The following RIMS2 variants were observed in gnomAD, a reference collection of about 807,000 sequenced individuals.
The protein encoded by RIMS2 is regulating synaptic membrane exocytosis protein 2.
RIMS2 carries 59 observed loss-of-function variants against 174.4 expected under a neutral mutation model. That is an observed-to-expected ratio of 0.34 (90% CI 0.27 to 0.42). RIMS2 has a LOEUF of 0.42. Ranked by LOEUF, RIMS2 falls within the 10% of genes least tolerant of loss-of-function variation. The pLI, the probability that RIMS2 is intolerant of heterozygous loss-of-function variation, is 1.00. For missense variants in RIMS2, 1,620 were observed against 1,666.3 expected (o/e 0.97, Z 0.48); for synonymous variants, 606 against 572.5 (o/e 1.06, Z -0.84).
At chr8:104,087,476 TC>T (rs1490860945) in intron 19 of RIMS2, among the ~76,000 whole-genome samples, 1 of 152,066 alleles carries the variant, frequency 6.6e-6, no homozygotes, top group Non-Finnish European at 1.5e-5. Flanking sequence ...TGAGGAACAT[TC>T]GAAGCAGTGC....
intron 1 of RIMS2, among the ~76,000 whole-genome samples, chr8:103,604,071 C>T (rs2094910325): frequency 6.7e-6 from 1 of 149,368 alleles, no homozygotes; most frequent in African/African-American, 2.5e-5. Flanking sequence ...GAAGTCCTTG[C>T]CCATGCCTAT....
chr8:103,522,172 T>C (rs1832019227), intron 1 of RIMS2, among the ~76,000 whole-genome samples: 1 of 152,144 alleles, frequency 6.6e-6, no homozygotes, highest in Non-Finnish European at 1.5e-5. Flanking sequence ...CAATTGAATT[T>C]TGTTGGTCTT....
rs2097280989 is a variant in RIMS2 at position 103,709,718 on chromosome 8, A to G, written c.387+12422A>G. On this transcript the variant is annotated intron_variant, in intron 2 of 23. Transcript: ENST00000504942. ...TCCCTTGAGTATTTTTCTCATATGT[A>G]TGTTCACCGATCATTACTGAGCTGA... Among the ~76,000 whole-genome samples, 3 of 151,134 alleles carry G rather than the reference A, an allele frequency of 2.0e-5. No homozygotes were observed. In the South Asian group the frequency reaches 6.3e-4, roughly 32 times the overall value.
chr8:104,157,978 A>G (rs1027666420), intron 19 of RIMS2, among the ~76,000 whole-genome samples: 12 of 152,320 alleles, frequency 7.9e-5, no homozygotes, highest in Non-Finnish European at 1.5e-4. Context: ...TTTGTTACAT[A>G]GGTATACATG....
chr8:103,536,123 T>A (rs2131074185), intron 1 of RIMS2, among the ~76,000 whole-genome samples: 1 of 152,302 alleles, frequency 6.6e-6, no homozygotes, highest in African/African-American at 2.4e-5. Context: ...GGGAGCCAAT[T>A]ATTTGGTTCA....
chr8:104,148,576 T>C (rs1281282673), intron 19 of RIMS2, 31 bp from the exon 25 acceptor site: 11 of 1,577,088 alleles, frequency 7.0e-6, no homozygotes, highest in Non-Finnish European at 9.4e-6. Flanking sequence ...TTTACTCTTG[T>C]CCTCACTTTT....
chr8:103,849,610 G>A (rs2935296), intron 3 of RIMS2, among the ~76,000 whole-genome samples: 61,012 of 151,718 alleles, frequency 0.4, 12,715 homozygotes, highest in African/African-American at 0.44. Context: ...CATTAGCTCT[G>A]AACCATACCT....
chr8:103,963,733 T>C (rs941584577), intron 15 of RIMS2, among the ~76,000 whole-genome samples: 5 of 152,326 alleles, frequency 3.3e-5, no homozygotes, highest in South Asian at 2.1e-4. Context: ...TAGTTTACAT[T>C]GGGGCTCACT....
At chr8:104,170,353 A>G (rs2098825007) in intron 19 of RIMS2, among the ~76,000 whole-genome samples, 1 of 152,004 alleles carries the variant, frequency 6.6e-6, no homozygotes, top group Non-Finnish European at 1.5e-5. Context: ...GATCTCCAGC[A>G]TTAGGTGCAT....
At chr8:103,871,087 A>G (rs922448020) in intron 3 of RIMS2, among the ~76,000 whole-genome samples, 1 of 152,202 alleles carries the variant, frequency 6.6e-6, no homozygotes, top group Non-Finnish European at 1.5e-5. Context: ...TGTGCAAAGA[A>G]GTATGATATA....
intron 1 of RIMS2, among the ~76,000 whole-genome samples, chr8:103,685,104 CTT>C (rs58008098): frequency 1.4e-5 from 2 of 139,044 alleles, no homozygotes. Flanking sequence ...TTTTCTTTTT[CTT>C]TTTTTTTTTT....
intron 3 of RIMS2, among the ~76,000 whole-genome samples, chr8:103,830,585 T>A (rs2098819527): frequency 6.6e-6 from 1 of 152,210 alleles, no homozygotes; most frequent in Admixed American, 6.5e-5. Context: ...ATTCTGTACT[T>A]GCTGGATGTT....
At chr8:104,233,614 T>C (rs115902655) in intron 19 of RIMS2, among the ~76,000 whole-genome samples, 8 of 152,218 alleles carry the variant, frequency 5.3e-5, no homozygotes, top group Admixed American at 5.2e-4. Context: ...AAGGTTTGTA[T>C]TGAAGAGTTG....
chr8:104,009,775 A>G (rs2095698167), intron 17 of RIMS2, among the ~76,000 whole-genome samples: 1 of 152,318 alleles, frequency 6.6e-6, no homozygotes, highest in East Asian at 1.9e-4. Flanking sequence ...TTTACTTTTC[A>G]AGAAAACCTA....
chr8:103,751,714 T>G (rs1265049748), intron 2 of RIMS2, among the ~76,000 whole-genome samples: 1 of 151,382 alleles, frequency 6.6e-6, no homozygotes, highest in Non-Finnish European at 1.5e-5. Flanking sequence ...TGAGCATTTT[T>G]TCATGTGTTT....
chr8:104,022,470 C>G (rs755333267), intron 19 of RIMS2, among the ~76,000 whole-genome samples: 26 of 152,032 alleles, frequency 1.7e-4, no homozygotes, highest in Non-Finnish European at 3.2e-4. Context: ...GCAACCTCCC[C>G]CTCCCGGCTC....
rs2095125892 is a variant in RIMS2 at position 103,606,985 on chromosome 8, C to G, written c.177-90101C>G. On this transcript the variant is annotated intron_variant, in intron 1 of 23. Coordinates refer to ENST00000504942, the Ensembl canonical transcript of RIMS2. The stretch of plus-strand genomic sequence containing the variant: ...GCCAGTCTGTGTCTTTTAATTGGAG[C>G]ATTTAGTCCATTTACATTTAAAGTT... Among the ~76,000 whole-genome samples, 6 of 152,038 alleles carry G rather than the reference C, an allele frequency of 3.9e-5. No individual in the cohort carries two copies. In the South Asian group the frequency reaches 1.2e-3, roughly 32 times the overall value.
At chr8:103,629,632 C>T (rs978338992) in intron 1 of RIMS2, among the ~76,000 whole-genome samples, 8 of 151,888 alleles carry the variant, frequency 5.3e-5, no homozygotes, top group African/African-American at 1.9e-4. Context: ...AATTTCAATT[C>T]CAATGAAAAA....
intron 10 of RIMS2, among the ~76,000 whole-genome samples, chr8:103,926,978 A>G (rs1232469741): frequency 1.3e-5 from 2 of 151,484 alleles, no homozygotes; most frequent in African/African-American, 2.4e-5. Context: ...TTGTTTGAGT[A>G]TGGGCAAGTA....
Sources: allele counts gnomAD v4.1 joint callset (sites outside exome capture counted in the v4.1 genomes callset), GRCh38; gene constraint gnomAD v4.1.1; transcripts MANE v1.5; gene names NCBI Gene and HGNC (gene_info 2026-07-23, HGNC 2026-07-21).